The following ANKRD33B variants were observed in gnomAD, a reference collection of about 807,000 sequenced individuals.
The protein encoded by ANKRD33B is ankyrin repeat domain 33B, also known as ankyrin repeat domain-containing protein 33B.
In ANKRD33B, 6 loss-of-function variants were observed where a neutral mutation model predicts 21.5. That is an observed-to-expected ratio of 0.28 (90% CI 0.15 to 0.55). ANKRD33B has a LOEUF of 0.55. Ranked by LOEUF, ANKRD33B falls within the 20% of genes least tolerant of loss-of-function variation. ANKRD33B has a pLI of 0.94. For missense variants in ANKRD33B, 698 were observed against 747.2 expected (o/e 0.93, Z 0.77); for synonymous variants, 347 against 342.4 (o/e 1.01, Z -0.15).
intron 2 of ANKRD33B, among the ~76,000 whole-genome samples, chr5:10,621,442 A>C (rs545372973): frequency 6.6e-6 from 1 of 152,270 alleles, no homozygotes; most frequent in African/African-American, 2.4e-5. Context: ...CACCCTTTCC[A>C]TATGCTTCCC....
chr5:10,613,737 T>C (rs1342161048), intron 1 of ANKRD33B, among the ~76,000 whole-genome samples: 1 of 151,704 alleles, frequency 6.6e-6, no homozygotes, highest in Non-Finnish European at 1.5e-5. Context: ...CCATCTCTAC[T>C]AAAAATACAA....
At chr5:10,637,425 G>GAGACACACACACACACACAC (rs1275126479) in intron 2 of ANKRD33B, among the ~76,000 whole-genome samples, 1 of 100,334 alleles carries the variant, frequency 1.0e-5, no homozygotes, top group African/African-American at 4.4e-5. Context: ...TAGGTAGTTA[G>GAGACACACACACACACACAC]ACACACACAC....
In ANKRD33B at chr5:10,608,928, C is replaced by T. The variant is rs147018868; in HGVS notation, c.367-9405C>T. 8.1e-3 allele frequency among the ~76,000 whole-genome samples: 1,227 copies of T among 152,312 alleles called. 4 individuals carry two copies. Among genetic ancestry groups the T allele is most frequent in the Non-Finnish European group, 0.013 (869 of 68,026 alleles). On this transcript the variant is annotated intron_variant, in intron 1 of 3. Coordinates refer to ENST00000296657, the MANE Select transcript of ANKRD33B (RefSeq NM_001164440.2). ...ACTCTCTGTGGTGCCTGAGAGGGAG[C>T]GCCTCTTTAAATTTGGTGCCCCAGG...
chr5:10,649,745 C>G lies in ANKRD33B; in HGVS notation c.1117C>G (p.Gln373Glu). The change falls in exon 4 of 4, where the codon CAG (glutamine) becomes GAG (glutamate). Residue 373 changes from glutamine (Q) to glutamate (E), a missense_variant. Coordinates refer to ENST00000296657, the MANE Select transcript of ANKRD33B (RefSeq NM_001164440.2). ...GGAGQRGRTG[Q>E]EDADSREGSP... ...CGCGGGGCAGCGCGGGCGGACCGGA[C>G]AGGAGGACGCGGACTCCCGGGAGGG... The G allele has an allele frequency of 2.7e-6, 4 of 1,457,890 alleles. No homozygotes were observed. Among genetic ancestry groups the G allele is most frequent in the Non-Finnish European group, 3.6e-6 (4 of 1,109,888 alleles). The allele number at this position is 1,457,890 out of a possible 1,614,324, so 90.3% of individuals were successfully genotyped here. A position where few individuals can be genotyped will look rare whatever the true frequency, so the allele number is the denominator to read the frequency against.
chr5:10,620,996 G>A (rs1264774042), intron 2 of ANKRD33B, among the ~76,000 whole-genome samples: 2 of 151,992 alleles, frequency 1.3e-5, no homozygotes, highest in Non-Finnish European at 2.9e-5. Context: ...CTTTCCTTTA[G>A]CCCCACCCTT....
intron 2 of ANKRD33B, among the ~76,000 whole-genome samples, chr5:10,625,407 G>GT (rs1044476400): frequency 1.3e-5 from 2 of 152,052 alleles, no homozygotes; most frequent in Non-Finnish European, 2.9e-5. Flanking sequence ...AAACACACAC[G>GT]TATGTATGTG....
At chr5:10,639,288 G>C (rs1181818739) in intron 3 of ANKRD33B, among the ~76,000 whole-genome samples, 1 of 3,458 alleles carries the variant, frequency 2.9e-4, no homozygotes, top group Non-Finnish European at 5.3e-4. Flanking sequence ...CGATGTTAGC[G>C]GGTGACGCGG....
intron 1 of ANKRD33B, among the ~76,000 whole-genome samples, chr5:10,579,242 T>C (rs1735387826): frequency 1.3e-5 from 2 of 150,700 alleles, no homozygotes; most frequent in Admixed American, 1.3e-4. Flanking sequence ...ACCTTGAAAA[T>C]ACTTAAATAC....
At chr5:10,649,143 G>A (rs1737257871) in intron 3 of ANKRD33B, 123 bp from the exon 4 acceptor site, 4 of 1,434,022 alleles carry the variant, frequency 2.8e-6, no homozygotes, top group Admixed American at 2.8e-5. Context: ...GGTGCAGTCT[G>A]TTAGGAGGCT....
At chr5:10,630,870 C>CAA (rs34531639) in intron 2 of ANKRD33B, among the ~76,000 whole-genome samples, 22,666 of 118,752 alleles carry the variant, frequency 0.19, 2,350 homozygotes, top group Non-Finnish European at 0.26. Context: ...GAGACTGTGT[C>CAA]AAAAAAAAAA....
intron 1 of ANKRD33B, among the ~76,000 whole-genome samples, chr5:10,585,907 C>T (rs1000527271): frequency 3.9e-5 from 6 of 152,194 alleles, no homozygotes; most frequent in Non-Finnish European, 7.3e-5. Flanking sequence ...GTCCTTCGCC[C>T]ATCCCAGAGT....
chr5:10,625,790 G>A (rs189551572), intron 2 of ANKRD33B, among the ~76,000 whole-genome samples: 198 of 152,334 alleles, frequency 1.3e-3, no homozygotes, highest in Non-Finnish European at 2.3e-3. Context: ...GTTAATCAAC[G>A]GCAGCAAGGC....
chr5:10,617,442 C>G (rs901661152), intron 1 of ANKRD33B, among the ~76,000 whole-genome samples: 1 of 152,228 alleles, frequency 6.6e-6, no homozygotes, highest in Admixed American at 6.5e-5. Context: ...GACTCTTTTT[C>G]TATTCAACCT....
intron 2 of ANKRD33B, among the ~76,000 whole-genome samples, chr5:10,629,815 A>G (rs541381810): frequency 7.2e-5 from 11 of 152,322 alleles, no homozygotes; most frequent in African/African-American, 2.6e-4. Flanking sequence ...CTGCATGTCC[A>G]TGGAAAGAGC....
intron 3 of ANKRD33B, among the ~76,000 whole-genome samples, chr5:10,647,197 C>T (rs1373861578): frequency 4.6e-5 from 7 of 151,960 alleles, no homozygotes; most frequent in South Asian, 2.1e-4. Flanking sequence ...CTCTGCCTCC[C>T]GGGTTGAAGC....
intron 1 of ANKRD33B, among the ~76,000 whole-genome samples, chr5:10,573,559 C>T (rs1485861103): frequency 6.6e-6 from 1 of 151,498 alleles, no homozygotes; most frequent in Non-Finnish European, 1.5e-5. Flanking sequence ...AAATAAAGAA[C>T]TGCCTGGGAC....
chr5:10,566,434 T>C (rs756078968), intron 1 of ANKRD33B, among the ~76,000 whole-genome samples: 1 of 152,086 alleles, frequency 6.6e-6, no homozygotes, highest in Non-Finnish European at 1.5e-5. Context: ...GAAGCCAGTA[T>C]GGGGGCCCGC....
intron 1 of ANKRD33B, among the ~76,000 whole-genome samples, chr5:10,582,465 C>T (rs10050832): frequency 0.32 from 48,935 of 152,120 alleles, 8,378 homozygotes; most frequent in Admixed American, 0.47. Context: ...TATAACCCCC[C>T]GCCCTGGAGT....
intron 1 of ANKRD33B, among the ~76,000 whole-genome samples, chr5:10,582,559 T>A (rs2126553617): frequency 6.6e-6 from 1 of 152,358 alleles, no homozygotes; most frequent in Non-Finnish European, 1.5e-5. Flanking sequence ...AACAGCATTG[T>A]CTTTGGAAAC....
Sources: allele counts gnomAD v4.1 joint callset (sites outside exome capture counted in the v4.1 genomes callset), GRCh38; gene constraint gnomAD v4.1.1; transcripts MANE v1.5; gene names NCBI Gene and HGNC (gene_info 2026-07-23, HGNC 2026-07-21).